CEP83: variants seen among roughly 807,000 people sequenced by gnomAD.
CEP83 encodes the protein centrosomal protein of 83 kDa.
In CEP83, 70 loss-of-function variants were observed where a neutral mutation model predicts 101.9. That is an observed-to-expected ratio of 0.69 (90% CI 0.57 to 0.84). The LOEUF (loss-of-function observed/expected upper bound fraction) is 0.84. Among genes scored for constraint, CEP83 ranks in the 40% least tolerant of loss-of-function variants. The pLI, the probability that CEP83 is intolerant of heterozygous loss-of-function variation, is 0.00. For synonymous variants in CEP83, 264 were observed against 267.9 expected, an observed-to-expected ratio of 0.99 and a Z score of 0.14; for missense variants, 715 against 787.2, an observed-to-expected ratio of 0.91 and a Z score of 1.10.
chr12:94,389,812 T>G (rs898880687), intron 6 of CEP83, among the ~76,000 whole-genome samples: 3 of 152,094 alleles, frequency 2.0e-5, no homozygotes, highest in Admixed American at 6.5e-5. Context: ...ACAAGGAGAT[T>G]CTCTCCCATG....
At chr12:94,421,712 T>C (rs2064766432) in intron 2 of CEP83, among the ~76,000 whole-genome samples, 1 of 152,200 alleles carries the variant, frequency 6.6e-6, no homozygotes, top group Non-Finnish European at 1.5e-5. Context: ...TGTACGGTAC[T>C]TACACAAACC....
At chr12:94,296,170 T>C in the CEP83 span, among the ~76,000 whole-genome samples, 1 of 152,162 alleles carries the variant, frequency 6.6e-6, no homozygotes, top group Admixed American at 6.5e-5. Context: ...GTCTCTCTCA[T>C]CTTTATTTTT....
At chr12:94,392,081 C>G (rs926245604) in intron 6 of CEP83, among the ~76,000 whole-genome samples, 2 of 152,118 alleles carry the variant, frequency 1.3e-5, no homozygotes, top group African/African-American at 4.8e-5. Context: ...GACAGATCAA[C>G]GAGACAGAAG....
intron 2 of CEP83, among the ~76,000 whole-genome samples, chr12:94,417,670 T>C (rs1329602695): frequency 6.6e-6 from 1 of 152,042 alleles, no homozygotes; most frequent in Admixed American, 6.6e-5. Context: ...ACGTCTGTCA[T>C]CTCAGCTACT....
intron 2 of CEP83, chr12:94,424,560 A>C: frequency 6.2e-7 from 1 of 1,613,418 alleles, no homozygotes; most frequent in Non-Finnish European, 8.5e-7. Flanking sequence ...GAGATGTATA[A>C]ATTTGTGGGG....
chr12:94,282,108 T>A, the CEP83 span: 2 of 523,688 alleles, frequency 3.8e-6, no homozygotes, highest in South Asian at 4.4e-5. Flanking sequence ...GTTTGAAACA[T>A]CAGAGCCCTA....
chr12:94,383,050 C>T (rs1332702481), intron 6 of CEP83, among the ~76,000 whole-genome samples: 2 of 152,170 alleles, frequency 1.3e-5, no homozygotes, highest in East Asian at 3.9e-4. Context: ...CTCTGGTGCA[C>T]ATACATTTAG....
intron 6 of CEP83, among the ~76,000 whole-genome samples, chr12:94,396,937 A>G (rs931539938): frequency 1.3e-5 from 2 of 152,216 alleles, no homozygotes; most frequent in Non-Finnish European, 2.9e-5. Flanking sequence ...TTGTTTCTAT[A>G]AAGTATATTT....
chr12:94,310,001 G>A lies in CEP83; in HGVS notation c.1918C>T (p.Pro640Ser). ...RSLILVPNMP[P>S]TASINPVSFQ... ...CTAACAGGATTGATAGATGCTGTTGGAGGCATGTTAGGAACCAAAATTAGA... is the reference window on the plus strand; with the variant it reads ...CTAACAGGATTGATAGATGCTGTTGAAGGCATGTTAGGAACCAAAATTAGA... Residue 640 changes from proline to serine, a missense_variant, in exon 16 of 17, where the codon CCA becomes TCA. Physicochemically the swap from Pro to Ser is moderately conservative, Grantham distance 74. Coordinates refer to ENST00000397809, the MANE Select transcript of CEP83 (RefSeq NM_016122.3). The A allele has an allele frequency of 6.2e-7, 1 of 1,612,900 alleles. No individual in the cohort carries two copies. The highest frequency in any genetic ancestry group is 1.1e-5 in the South Asian group (1 of 91,000).
chr12:94,397,075 C>G (rs2062947534), intron 6 of CEP83, among the ~76,000 whole-genome samples: 1 of 152,172 alleles, frequency 6.6e-6, no homozygotes, highest in African/African-American at 2.4e-5. Context: ...TAATACTGCT[C>G]CTACATAATC....
intron 2 of CEP83, chr12:94,423,997 C>A (rs1014626883): frequency 1.3e-5 from 21 of 1,613,168 alleles, no homozygotes; most frequent in Non-Finnish European, 1.6e-5. Context: ...GATGGTCCAT[C>A]CCTGGTGTCA....
intron 14 of CEP83, among the ~76,000 whole-genome samples, chr12:94,326,762 T>C (rs1209740184): frequency 6.6e-6 from 1 of 152,108 alleles, no homozygotes; most frequent in Non-Finnish European, 1.5e-5. Context: ...ACCAGAGTGA[T>C]GTGCCTGTCT....
chr12:94,287,773 A>G, the CEP83 span, among the ~76,000 whole-genome samples: 2 of 152,242 alleles, frequency 1.3e-5, no homozygotes, highest in Non-Finnish European at 2.9e-5. Context: ...GGGACTGGAC[A>G]ATCGCTAAAG....
At chr12:94,436,845 G>C (rs895486193) in intron 1 of CEP83, among the ~76,000 whole-genome samples, 4 of 148,212 alleles carry the variant, frequency 2.7e-5, no homozygotes, top group African/African-American at 9.9e-5. Context: ...AAAAAAGAAA[G>C]AAGGAAAGAA....
intron 1 of CEP83, among the ~76,000 whole-genome samples, chr12:94,450,976 G>C (rs2067208077): frequency 6.6e-6 from 1 of 152,122 alleles, no homozygotes; most frequent in Non-Finnish European, 1.5e-5. Flanking sequence ...GAATAGTGTT[G>C]GAGTAAGGAT....
At chr12:94,444,373 G>A (rs1594106978) in intron 1 of CEP83, among the ~76,000 whole-genome samples, 2 of 152,080 alleles carry the variant, frequency 1.3e-5, no homozygotes, top group African/African-American at 4.8e-5. Flanking sequence ...ACTCCAGCCT[G>A]GGCAACAAGA....
chr12:94,306,011 A>C (rs1284228601), downstream of CEP83: 1 of 152,166 alleles, frequency 6.6e-6, no homozygotes, highest in Admixed American at 6.6e-5. Flanking sequence ...ACTTTGTCCT[A>C]ATGTATGTTC....
chr12:94,338,417 A>C (rs1031012265), intron 11 of CEP83, among the ~76,000 whole-genome samples: 1 of 152,036 alleles, frequency 6.6e-6, no homozygotes, highest in Admixed American at 6.5e-5. Context: ...ACCATACTCA[A>C]ACAATGAACT....
intron 15 of CEP83, among the ~76,000 whole-genome samples, chr12:94,311,080 T>C (rs1281760019): frequency 1.3e-5 from 2 of 152,138 alleles, no homozygotes; most frequent in Admixed American, 6.5e-5. Context: ...GGACTAAAGG[T>C]TGAGTTGATC....
Sources: allele counts gnomAD v4.1 joint callset (sites outside exome capture counted in the v4.1 genomes callset), GRCh38; gene constraint gnomAD v4.1.1; transcripts MANE v1.5; gene names NCBI Gene and HGNC (gene_info 2026-07-23, HGNC 2026-07-21).